Variants in NTRK3 observed in about 807,000 individuals in gnomAD.
NTRK3 encodes the protein NT-3 growth factor receptor.
A neutral mutation model predicts 91.7 loss-of-function variants in NTRK3; 24 were observed. The ratio of observed to expected loss-of-function variants is 0.26; its 90% CI spans 0.19 to 0.37. The LOEUF is 0.37. NTRK3 is among the 10% of genes least tolerant of loss of function. The pLI is 1.00. For synonymous variants in NTRK3, 483 were observed against 404.0 expected, an observed-to-expected ratio of 1.20 and a Z score of -2.34; for missense variants, 880 against 1,068.9, an observed-to-expected ratio of 0.82 and a Z score of 2.46.
chr15:87,987,504 T>C (rs531323055), intron 14 of NTRK3, among the ~76,000 whole-genome samples: 1 of 151,380 alleles, frequency 6.6e-6, no homozygotes, highest in South Asian at 2.1e-4. Flanking sequence ...TATCTAGACA[T>C]AGATATATAT....
chr15:87,865,698 C>T (rs2064652243), exon 19 of NTRK3: 1 of 222,038 alleles, frequency 4.5e-6, no homozygotes, highest in African/African-American at 2.2e-5. Flanking sequence ...CTTATGAAAG[C>T]AAGAGTTGAT....
At chr15:88,081,434 C>A (rs1366612820) in intron 13 of NTRK3, among the ~76,000 whole-genome samples, 1 of 152,232 alleles carries the variant, frequency 6.6e-6, no homozygotes, top group African/African-American at 2.4e-5. Context: ...CACTGACCGA[C>A]CATGTTTCCC....
At chr15:87,994,784 T>C (rs1411651305) in intron 14 of NTRK3, among the ~76,000 whole-genome samples, 4 of 152,212 alleles carry the variant, frequency 2.6e-5, no homozygotes, top group East Asian at 1.9e-4. Context: ...GAACACGATG[T>C]TGCAGGACTA....
Position 87,877,096 on chromosome 15 carries a change from G to A in NTRK3, c.2317C>T (p.Arg773Cys), listed in dbSNP as rs548727485. ...CAGACTCGGGGCCGCTCCAAAACAC[G>A]ACCTTGGGTAATGCACTCAATGACC... The change falls in exon 19 of 19, where the codon CGT becomes TGT. Residue 773 changes from arginine to cysteine, a missense_variant. Transcript: ENST00000394480. 3.7e-6 allele frequency: 6 copies of A among 1,614,016 alleles called. No homozygotes were observed. The highest frequency in any genetic ancestry group is 2.7e-5 in the African/African-American group (2 of 74,976).
At chr15:88,069,256 T>C (rs116438263) in intron 13 of NTRK3, among the ~76,000 whole-genome samples, 132 of 152,256 alleles carry the variant, frequency 8.7e-4, no homozygotes, top group African/African-American at 3.1e-3. Context: ...CATCACCATA[T>C]AAAAGGTTGT....
intron 17 of NTRK3, among the ~76,000 whole-genome samples, chr15:87,912,932 ATATATAT>A (rs1567099591): frequency 1.4e-4 from 1 of 7,326 alleles, no homozygotes; most frequent in Non-Finnish European, 2.3e-4. Context: ...GTAAAAAAAA[ATATATAT>A]ATATATATAT....
intron 13 of NTRK3, among the ~76,000 whole-genome samples, chr15:88,059,544 G>A (rs552994273): frequency 6.6e-6 from 1 of 152,114 alleles, no homozygotes; most frequent in Non-Finnish European, 1.5e-5. Flanking sequence ...TCCACTCTGT[G>A]CACAGCTCCA....
rs989645802 is a variant in NTRK3, at chr15:88,234,619, C to T, written c.248+21287G>A. Among the ~76,000 whole-genome samples the T allele has an allele frequency of 1.4e-4, 22 of 152,184 alleles. No homozygotes were observed. The highest frequency in any genetic ancestry group is 5.1e-4 in the African/African-American group (21 of 41,438). On this transcript the variant is annotated intron_variant, in intron 3 of 18. Coordinates refer to ENST00000394480, the Ensembl canonical transcript of NTRK3. The surrounding 1 kb of genome is among the most constrained non-coding windows in gnomAD (Gnocchi z 6.1). ...CTCAGTTGCCCCTTCCTCTGGGGAG[C>T]TTCTCTGCATGCCCAGCCTGGATTA...
chr15:87,954,007 A>AGTGTGTGTGTGTGTGTGTGTGTGT (rs61653896), intron 14 of NTRK3, among the ~76,000 whole-genome samples: 1 of 127,636 alleles, frequency 7.8e-6, no homozygotes, highest in African/African-American at 2.9e-5. Flanking sequence ...AGACCTTTTC[A>AGTGTGTGTGTGTGTGTGTGTGTGT]GTGTGTGTGT....
intron 17 of NTRK3, among the ~76,000 whole-genome samples, chr15:87,919,659 T>C (rs1162367676): frequency 6.6e-6 from 1 of 152,112 alleles, no homozygotes; most frequent in Non-Finnish European, 1.5e-5. Flanking sequence ...ACAAAGAAAT[T>C]CTGTTCAGGT....
At chr15:87,927,445 C>G (rs2068415490) in intron 17 of NTRK3, 1 of 152,230 alleles carries the variant, frequency 6.6e-6, no homozygotes, top group African/African-American at 2.4e-5. Flanking sequence ...CTCTGGTCCA[C>G]TATGCTCAGG....
intron 3 of NTRK3, among the ~76,000 whole-genome samples, chr15:88,209,172 G>A (rs1276424642): frequency 2.0e-5 from 3 of 152,232 alleles, no homozygotes; most frequent in Non-Finnish European, 4.4e-5. Flanking sequence ...AAGAGGTAGT[G>A]ATATATGCAC....
chr15:88,058,850 T>C (rs1198340445), intron 13 of NTRK3, among the ~76,000 whole-genome samples: 2 of 152,182 alleles, frequency 1.3e-5, no homozygotes, highest in African/African-American at 2.4e-5. Flanking sequence ...ATCATGATGA[T>C]GGAGGCAGTA....
chr15:87,927,107 C>G (rs150958444), intron 17 of NTRK3: 4 of 152,354 alleles, frequency 2.6e-5, no homozygotes, highest in Non-Finnish European at 5.9e-5. Context: ...GGCCATCGGT[C>G]TATGACTACT....
chr15:88,095,828 T>A (rs2049534316), intron 13 of NTRK3, among the ~76,000 whole-genome samples: 1 of 152,172 alleles, frequency 6.6e-6, no homozygotes, highest in South Asian at 2.1e-4. Context: ...AGGTCCCATG[T>A]ACCTATGCCC....
intron 13 of NTRK3, among the ~76,000 whole-genome samples, chr15:88,102,960 A>C (rs2050330602): frequency 6.6e-6 from 1 of 152,236 alleles, no homozygotes; most frequent in African/African-American, 2.4e-5. Flanking sequence ...TAGTAATACG[A>C]AAAACAGCCT....
At chr15:88,103,948 C>A (rs1174168881) in intron 13 of NTRK3, among the ~76,000 whole-genome samples, 1 of 152,174 alleles carries the variant, frequency 6.6e-6, no homozygotes, top group Non-Finnish European at 1.5e-5. Flanking sequence ...TAGAGACATT[C>A]TTCTGTATAA....
intron 13 of NTRK3, among the ~76,000 whole-genome samples, chr15:88,111,908 G>GTT (rs57625455): frequency 0.31 from 41,506 of 134,746 alleles, 6,318 homozygotes; most frequent in Non-Finnish European, 0.33. Context: ...TTTTGTTTTT[G>GTT]TTTTTTTTTT....
At chr15:88,256,134 G>A in exon 3 of NTRK3, 2 of 1,607,020 alleles carry the variant, frequency 1.2e-6, no homozygotes, top group Non-Finnish European at 1.7e-6. Flanking sequence ...ACACTTGGCT[G>A]GGCAAAGAGA....
Sources: gnomAD v4.1 joint callset for allele counts (sites outside exome capture counted in the v4.1 genomes callset) on GRCh38, gnomAD v4.1.1 for gene constraint, Gnocchi (gnomAD v3.1) non-coding constraint, MANE v1.5 for transcripts, NCBI Gene and HGNC (gene_info 2026-07-23, HGNC 2026-07-21) for gene names.